USP43: variants seen among roughly 807,000 people sequenced by gnomAD.
USP43 encodes the protein ubiquitin specific peptidase 43.
Under a neutral mutation model 90.7 loss-of-function variants are expected in USP43, and 33 were observed. That is an observed-to-expected ratio of 0.36 (90% CI 0.28 to 0.49). The LOEUF (loss-of-function observed/expected upper bound fraction) is 0.49. Ranked by LOEUF, USP43 falls within the 20% of genes least tolerant of loss-of-function variation. The pLI is 0.98. For missense variants in USP43, 1,274 were observed against 1,476.4 expected (o/e 0.86, Z 2.25); for synonymous variants, 598 against 615.8 (o/e 0.97, Z 0.43).
chr17:9,676,128 G>C (rs1450610654), intron 4 of USP43, among the ~76,000 whole-genome samples: 1 of 152,168 alleles, frequency 6.6e-6, no homozygotes, highest in Non-Finnish European at 1.5e-5. Flanking sequence ...AAAACACCTT[G>C]ACTGCTTTAA....
intron 12 of USP43, among the ~76,000 whole-genome samples, chr17:9,707,572 G>A (rs2654723): frequency 0.22 from 32,353 of 150,060 alleles, 4,291 homozygotes; most frequent in African/African-American, 0.36. Context: ...GCGTGAACCC[G>A]GGAGGTGGAG....
chr17:9,701,556 A>T lies in USP43; in HGVS notation c.1867A>T (p.Ser623Cys). The T allele has an allele frequency of 6.4e-7, 1 of 1,566,230 alleles. No homozygotes were observed. The highest frequency in any genetic ancestry group is 8.7e-7 in the Non-Finnish European group (1 of 1,155,862). The stretch of plus-strand genomic sequence containing the variant: ...CATGGCTCCCCATGTGGCCCAGAGA[A>T]GCACCAGCCCTGAGGCAGGACTGGG... ...LNMAPHVAQR[S>C]TSPEAGLGPW... Residue 623 changes from serine to cysteine, a missense_variant, in exon 12 of 15, where the codon AGC (serine) becomes TGC (cysteine). Transcript: ENST00000285199. The surrounding 1 kb of genome is among the most constrained non-coding windows in gnomAD (Gnocchi z 7.2).
chr17:9,729,097 T>A lies in USP43; in HGVS notation c.*107T>A. ...TTCCAGGAAACCCGTTGTCTTGTAA[T>A]CTCTAAAAAAAAATTTTTTTTTTTT... is the stretch of plus-strand genomic sequence containing the variant. On this transcript the variant is annotated 3_prime_UTR_variant, in exon 15 of 15. Transcript: ENST00000285199. 2.5e-6 allele frequency: 3 copies of A among 1,205,576 alleles called. No individual in the cohort carries two copies. The highest frequency in any genetic ancestry group is 2.2e-6 in the Non-Finnish European group (2 of 915,964). 74.7% of individuals were successfully genotyped at this position (1,205,576 alleles called of 1,614,324 possible).
chr17:9,650,232 G>A (rs1911760711), intron 1 of USP43, among the ~76,000 whole-genome samples: 2 of 152,114 alleles, frequency 1.3e-5, no homozygotes, highest in South Asian at 4.1e-4. Flanking sequence ...CATAGTCAAA[G>A]CAAAAGTATG....
intron 3 of USP43, 126 bp downstream of exon 3, chr17:9,666,877 C>G (rs1293316114): frequency 2.8e-6 from 2 of 718,166 alleles, no homozygotes; most frequent in African/African-American, 1.8e-5. Context: ...ACACCCTTCT[C>G]TCTCCCATTA....
chr17:9,656,416 A>C lies in USP43; in HGVS notation c.518A>C (p.Lys173Thr). 1 of 1,611,290 alleles carries C rather than the reference A, an allele frequency of 6.2e-7. No individual in the cohort carries two copies. Among genetic ancestry groups the C allele is most frequent in the Non-Finnish European group, 8.5e-7 (1 of 1,178,844 alleles). ...TTTTCCTTTCAGAATGCAGTTTCCA[A>C]GTACGGCTCTCAGTTCCAAGGCAAT... Reference protein sequence around the residue: ...LSAEFKNAVSKYGSQFQGNSQ... With the variant: ...LSAEFKNAVSTYGSQFQGNSQ... Residue 173 changes from lysine (K) to threonine (T), a missense_variant, in exon 2 of 15, where the codon AAG (lysine) becomes ACG (threonine). Around this residue, in one of 6 missense-constraint regions of USP43, gnomAD observed 259 missense variants for 373.7 expected, o/e 0.69. Coordinates refer to ENST00000285199, the MANE Select transcript of USP43 (RefSeq NM_153210.5).
chr17:9,664,694 G>A (rs1255910358), intron 2 of USP43, among the ~76,000 whole-genome samples: 1 of 149,404 alleles, frequency 6.7e-6, no homozygotes, highest in Non-Finnish European at 1.5e-5. Context: ...CTGGAGTGCA[G>A]TGGCACGATC....
At chr17:9,703,669 A>G (rs1915705758) in intron 12 of USP43, among the ~76,000 whole-genome samples, 1 of 152,210 alleles carries the variant, frequency 6.6e-6, no homozygotes. Context: ...TGCAGCCAAC[A>G]CAGCCCTGGG....
chr17:9,652,805 A>C (rs570251520), intron 1 of USP43, among the ~76,000 whole-genome samples: 5 of 152,380 alleles, frequency 3.3e-5, no homozygotes, highest in African/African-American at 1.2e-4. Context: ...TGTCATTTAC[A>C]AATGAAAATA....
At position 9,712,020 on chromosome 17, in the gene USP43, C is replaced by T. The variant is rs780193974; in HGVS notation, c.2223C>T (p.His741=). ...ACTGGCTCTTACGGCTCGGGAGCCA[C>T]GCTGGCAGCACAAGGGGAAGCCTGC... ...SDHWLLRLGS[H]AGSTRGSLLS... The change falls in exon 14 of 15, where the codon CAC becomes CAT. Residue 741 remains histidine (H), a synonymous_variant. Transcript: ENST00000285199. 2.8e-5 allele frequency: 45 copies of T among 1,611,682 alleles called. No individual in the cohort carries two copies. Among genetic ancestry groups the T allele is most frequent in the East Asian group, 9.0e-5 (4 of 44,676 alleles).
chr17:9,663,546 C>A (rs1468389733), intron 2 of USP43, among the ~76,000 whole-genome samples: 1 of 152,116 alleles, frequency 6.6e-6, no homozygotes, highest in Non-Finnish European at 1.5e-5. Context: ...GATCCACCCG[C>A]CTCAGCCTCC....
chr17:9,672,334 A>AT (rs1913491894), intron 3 of USP43, among the ~76,000 whole-genome samples: 5 of 152,046 alleles, frequency 3.3e-5, no homozygotes, highest in African/African-American at 1.2e-4. Context: ...TGCCCATTCT[A>AT]CTTTTTTTCT....
intron 9 of USP43, among the ~76,000 whole-genome samples, chr17:9,698,133 T>G (rs1915381421): frequency 6.6e-6 from 1 of 152,238 alleles, no homozygotes; most frequent in African/African-American, 2.4e-5. Flanking sequence ...CTTATATGTC[T>G]TCTTTGGAGA....
At chr17:9,696,874 T>G (rs1426200977) in intron 9 of USP43, among the ~76,000 whole-genome samples, 1 of 152,238 alleles carries the variant, frequency 6.6e-6, no homozygotes, top group African/African-American at 2.4e-5. Context: ...CCTCCACCTG[T>G]GTGTCCCTTT....
In USP43 at chr17:9,709,333, G is replaced by A. The variant is rs1916055582; in HGVS notation, c.2012-623G>A. 6.6e-6 allele frequency among the ~76,000 whole-genome samples: 1 copy of A among 152,112 alleles called. No homozygotes were observed. Among genetic ancestry groups the A allele is most frequent in the African/African-American group, 2.4e-5 (1 of 41,402 alleles). The stretch of plus-strand genomic sequence containing the variant: ...GCTTCTCAGAAGAAATGGGGTGAAC[G>A]CTGACATTATTGTTTGGCTACCTAA... On this transcript the variant is annotated intron_variant, in intron 12 of 14. Transcript: ENST00000285199. The surrounding 1 kb of genome is among the most constrained non-coding windows in gnomAD (Gnocchi z 5.0).
At chr17:9,704,823 A>C (rs1597873936) in intron 12 of USP43, among the ~76,000 whole-genome samples, 1 of 131,868 alleles carries the variant, frequency 7.6e-6, no homozygotes, top group African/African-American at 3.0e-5. Flanking sequence ...TGTGACCTCC[A>C]CTCCATCTGC....
chr17:9,664,869 C>T (rs888577310), intron 2 of USP43, among the ~76,000 whole-genome samples: 2 of 152,148 alleles, frequency 1.3e-5, no homozygotes, highest in Non-Finnish European at 2.9e-5. Flanking sequence ...GATCTCCTGA[C>T]CTCGTGATCC....
At chr17:9,711,873 T>A in intron 13 of USP43, 95 bp from the exon 14 acceptor site, 2 of 1,349,684 alleles carry the variant, frequency 1.5e-6, no homozygotes, top group Non-Finnish European at 1.9e-6. Context: ...GGCTGAAGGA[T>A]GGGGCCGGAA....
rs142783215 is a variant in USP43 at position 9,725,952 on chromosome 17, C to T, written c.2336-2002C>T. On this transcript the variant is annotated intron_variant, in intron 14 of 14. Coordinates refer to ENST00000285199, the MANE Select transcript of USP43 (RefSeq NM_153210.5). ...ACCCCAGAACATTTCTTCCCCACCCCCCGAGGGCTGGGAATTTAATAAGGT... is the reference window on the plus strand; with the variant it reads ...ACCCCAGAACATTTCTTCCCCACCCTCCGAGGGCTGGGAATTTAATAAGGT... 2.6e-5 allele frequency among the ~76,000 whole-genome samples: 4 copies of T among 152,132 alleles called. No homozygotes were observed. The East Asian group carries it at 5.8e-4, about 22-fold the overall frequency.
Sources: gnomAD v4.1 joint callset for allele counts (sites outside exome capture counted in the v4.1 genomes callset) on GRCh38, gnomAD v4.1.1 for gene constraint, gnomAD v4.1.1 regional missense constraint, Gnocchi (gnomAD v3.1) non-coding constraint, MANE v1.5 for transcripts, NCBI Gene and HGNC (gene_info 2026-07-23, HGNC 2026-07-21) for gene names.